The following TLN2 variants were observed in gnomAD, a reference collection of about 807,000 sequenced individuals.
TLN2 encodes talin 2.
TLN2 carries 118 observed loss-of-function variants against 294.7 expected under a neutral mutation model. That is an observed-to-expected ratio of 0.40 (90% confidence interval 0.34 to 0.47). TLN2 has a LOEUF of 0.47. Among genes scored for constraint, TLN2 ranks in the 20% least tolerant of loss-of-function variants. The pLI is 0.84. For missense variants in TLN2, 3,083 were observed against 3,282.2 expected (o/e 0.94, Z 1.48); for synonymous variants, 1,431 against 1,304.5 (o/e 1.10, Z -2.09).
intron 12 of TLN2, chr15:62,690,395 C>G (rs1418354522): frequency 1.8e-5 from 3 of 166,764 alleles, no homozygotes; most frequent in African/African-American, 7.8e-5. Flanking sequence ...GAGGCGCTCC[C>G]CACATCTCAG....
At chr15:62,796,481 G>A (rs1057090470) in intron 47 of TLN2, among the ~76,000 whole-genome samples, 188 bp downstream of exon 47, 28 of 152,294 alleles carry the variant, frequency 1.8e-4, no homozygotes, top group African/African-American at 4.3e-4. Context: ...ACACAGTGTC[G>A]TGGTTCGAGC....
At chr15:62,428,561 G>T (rs554566729) in intron 1 of TLN2, among the ~76,000 whole-genome samples, 2 of 152,176 alleles carry the variant, frequency 1.3e-5, no homozygotes, top group Non-Finnish European at 2.9e-5. Context: ...CTCCTTGCCC[G>T]GTGTGTCTGG....
intron 1 of TLN2, among the ~76,000 whole-genome samples, chr15:62,533,253 CAAAAA>C (rs10650730): frequency 7.8e-5 from 4 of 51,422 alleles, no homozygotes; most frequent in Admixed American, 4.6e-4. Flanking sequence ...GACTCTGTCT[CAAAAA>C]AAAAAAAAAA....
chr15:62,491,631 C>CT lies in TLN2; in HGVS notation c.-237-98048dup, dbSNP rs576533214. On this transcript the variant is annotated intron_variant, in intron 1 of 58. Coordinates refer to ENST00000636159, the MANE Select transcript of TLN2 (RefSeq NM_015059.3). ...CCTTGTGAGGGAGGTAAGTAGATAG[C>CT]TTTTTTTTCTTAGTAGCTATCTTTT... Among the ~76,000 whole-genome samples the CT allele has an allele frequency of 1.6e-4, 25 of 152,092 alleles. 1 individual carries two copies. The South Asian group carries it at 5.0e-3, about 30-fold the overall frequency.
chr15:62,729,656 T>C (rs1222956897), intron 28 of TLN2, among the ~76,000 whole-genome samples: 3 of 152,180 alleles, frequency 2.0e-5, no homozygotes, highest in Non-Finnish European at 4.4e-5. Flanking sequence ...TCTGAGTTTG[T>C]CATTGTTCTT....
chr15:62,747,096 T>C (rs2061657611), intron 32 of TLN2, among the ~76,000 whole-genome samples: 1 of 152,198 alleles, frequency 6.6e-6, no homozygotes, highest in African/African-American at 2.4e-5. Context: ...TTTAAACAAC[T>C]ATGAGCTATA....
At chr15:62,742,024 G>GGTGTGTGTGTGT (rs1169646907) in intron 32 of TLN2, among the ~76,000 whole-genome samples, 16 of 82,278 alleles carry the variant, frequency 1.9e-4, no homozygotes, top group African/African-American at 7.1e-4. Context: ...CTTGTAGTGG[G>GGTGTGTGTGTGT]GTGTGTGTGT....
chr15:62,545,514 T>TTGTGTGTGTGTGTGTGTGTGTG (rs56777565), intron 1 of TLN2, among the ~76,000 whole-genome samples: 303 of 146,018 alleles, frequency 2.1e-3, no homozygotes, highest in African/African-American at 7.4e-3. Flanking sequence ...TTCTTTCTCT[T>TTGTGTGTGTGTGTGTGTGTGTG]TGTGTGTGTG....
chr15:62,697,894 A>G (rs1282381363), intron 15 of TLN2, 26 bp downstream of exon 15: 2 of 1,604,436 alleles, frequency 1.2e-6, no homozygotes, highest in African/African-American at 1.3e-5. Flanking sequence ...CTCGTCCCCC[A>G]CTCGTTAGTC....
intron 2 of TLN2, among the ~76,000 whole-genome samples, chr15:62,617,525 C>T (rs1244970086): frequency 6.6e-6 from 1 of 152,166 alleles, no homozygotes; most frequent in East Asian, 1.9e-4. Context: ...GCGGGGGGTA[C>T]ACTGGCCACT....
Position 62,701,128 on chromosome 15 carries a change from A to T in TLN2, c.1610A>T (p.Asn537Ile), listed in dbSNP as rs2058695096. 1 of 1,613,998 alleles carries T rather than the reference A, an allele frequency of 6.2e-7. No individual in the cohort carries two copies. The highest frequency in any genetic ancestry group is 8.5e-7 in the Non-Finnish European group (1 of 1,180,026). ...CAGGCATCTAGGGTATGGGTTCAGA[A>T]CAAAGTCGACGAATCCAAACACGAA... ...QDMASRVWVQ[N>I]KVDESKHEIH... Residue 537 changes from asparagine (N) to isoleucine (I), a missense_variant, in exon 17 of 59, where the codon AAC becomes ATC. Asn to Ile is a moderately radical substitution (Grantham distance 149). Transcript: ENST00000636159.
chr15:62,561,678 C>A (rs1425662149), intron 1 of TLN2, among the ~76,000 whole-genome samples: 1 of 151,748 alleles, frequency 6.6e-6, no homozygotes, highest in Non-Finnish European at 1.5e-5. Context: ...TTTTTTTCCG[C>A]AAAAGGTGTA....
At chr15:62,499,661 G>C (rs538492433) in intron 1 of TLN2, among the ~76,000 whole-genome samples, 1 of 152,220 alleles carries the variant, frequency 6.6e-6, no homozygotes, top group Admixed American at 6.5e-5. Context: ...GAGTGCGATG[G>C]CATGATCTTG....
In TLN2 at chr15:62,576,263, CAAAA is replaced by C. The variant is rs35869276; in HGVS notation, c.-237-13414_-237-13411del. ...TGGGTGAAAGAGTGAGACCCCGTCTCAAAAAAAAAAAAATAAATAAAAATAAAAA... is the reference window on the plus strand; with the variant it reads ...TGGGTGAAAGAGTGAGACCCCGTCTCAAAAAAAAATAAATAAAAATAAAAA... On this transcript the variant is annotated intron_variant, in intron 1 of 58. Coordinates refer to ENST00000636159, the MANE Select transcript of TLN2 (RefSeq NM_015059.3). Among the ~76,000 whole-genome samples, 220 of 150,488 alleles carry C rather than the reference CAAAA, an allele frequency of 1.5e-3. 1 individual carries two copies. The highest frequency in any genetic ancestry group is 3.8e-3 in the African/African-American group (154 of 40,844).
intron 51 of TLN2, among the ~76,000 whole-genome samples, chr15:62,807,537 T>C: frequency 6.6e-6 from 1 of 152,154 alleles, no homozygotes. Context: ...GACGCTTTTG[T>C]CCCCAAGCTA....
chr15:62,788,777 C>G (rs1367977086), intron 45 of TLN2, among the ~76,000 whole-genome samples: 1 of 152,220 alleles, frequency 6.6e-6, no homozygotes, highest in Non-Finnish European at 1.5e-5. Context: ...CCTCTCTGTA[C>G]CAGTCTGCCT....
chr15:62,437,752 G>GGT (rs1555407258), intron 1 of TLN2, among the ~76,000 whole-genome samples: 3,992 of 150,372 alleles, frequency 0.027, 133 homozygotes, highest in African/African-American at 0.081. Flanking sequence ...ACACCATGGG[G>GGT]GTGTGTGTGT....
At chr15:62,428,234 A>G (rs912503080) in intron 1 of TLN2, among the ~76,000 whole-genome samples, 10 of 152,196 alleles carry the variant, frequency 6.6e-5, no homozygotes, top group South Asian at 2.1e-4. Context: ...TGGAAGAGTA[A>G]TGGGAAGAGG....
At chr15:62,479,730 C>T (rs2037980352) in intron 1 of TLN2, among the ~76,000 whole-genome samples, 1 of 152,224 alleles carries the variant, frequency 6.6e-6, no homozygotes, top group African/African-American at 2.4e-5. Context: ...AAGTGATCCG[C>T]CTGCCTCAGC....
Sources: allele counts gnomAD v4.1 joint callset (sites outside exome capture counted in the v4.1 genomes callset), GRCh38; gene constraint gnomAD v4.1.1; transcripts MANE v1.5; gene names NCBI Gene and HGNC (gene_info 2026-07-23, HGNC 2026-07-21).